Variants in UBA1 observed in about 807,000 individuals in gnomAD.
The protein encoded by UBA1 is ubiquitin-like modifier-activating enzyme 1.
A neutral mutation model predicts 84.7 loss-of-function variants in UBA1; 4 were observed. The ratio of observed to expected loss-of-function variants is 0.05; its 90% confidence interval spans 0.02 to 0.11. The LOEUF (loss-of-function observed/expected upper bound fraction) is 0.11. Among genes scored for constraint, UBA1 ranks in the 10% least tolerant of loss-of-function variants. UBA1 has a pLI of 1.00. For missense variants in UBA1, 513 were observed against 902.8 expected, an observed-to-expected ratio of 0.57 and a Z score of 5.53; for synonymous variants, 364 against 362.6, an observed-to-expected ratio of 1.00 and a Z score of -0.04.
Position 47,199,065 on chromosome X carries a change from C to T in UBA1, c.135C>T (p.Gly45=). Residue 45 remains glycine (G), a synonymous_variant, in exon 3 of 26, where the codon GGC becomes GGT. Coordinates refer to ENST00000335972, the MANE Select transcript of UBA1 (RefSeq NM_003334.4). ...ATTCCTAGGGAATGGCCAAGAACGG[C>T]AGTGAAGCAGACATAGACGAGGGCC... is the stretch of plus-strand genomic sequence containing the variant. ...SVPTNGMAKN[G]SEADIDEGLY... The T allele has an allele frequency of 8.2e-7, 1 of 1,212,306 alleles. No individual in the cohort carries two copies.
chrX:47,194,317 ATC>A (rs1342994588), intron 1 of UBA1, among the ~76,000 whole-genome samples: 1 of 112,192 alleles, frequency 8.9e-6, no homozygotes, highest in East Asian at 2.8e-4. Context: ...CGAACCTTGT[ATC>A]TCAGATCAGA....
At chrX:47,199,851 C>T (rs1475333717) in intron 5 of UBA1, among the ~76,000 whole-genome samples, 5 of 107,826 alleles carry the variant, frequency 4.6e-5, no homozygotes, top group Non-Finnish European at 9.6e-5. Flanking sequence ...GGCGCGATCT[C>T]GGCTCACTGC....
intron 16 of UBA1, 100 bp from the exon 17 acceptor site, chrX:47,209,523 C>A: frequency 1.3e-6 from 1 of 784,766 alleles, no homozygotes; most frequent in Non-Finnish European, 1.9e-6. Context: ...TAGCTGTGCG[C>A]CTTGTACTTG....
rs1556790765 is a variant in UBA1, at chrX:47,205,964, C to T, written c.1592C>T (p.Thr531Met). 1 of 1,203,988 alleles carries T rather than the reference C, an allele frequency of 8.3e-7. No individual in the cohort carries two copies. The highest frequency in any genetic ancestry group is 1.1e-6 in the Non-Finnish European group (1 of 891,401). The change falls in exon 15 of 26, where the codon ACG becomes ATG. Residue 531 changes from threonine to methionine, a missense_variant. By Grantham distance (81) the Thr-to-Met change is moderately conservative. Coordinates refer to ENST00000335972, the MANE Select transcript of UBA1 (RefSeq NM_003334.4). The stretch of plus-strand genomic sequence containing the variant: ...ACCCTTTAGAAGTTAAAGTCTGACA[C>T]GGCTGCTGCAGCTGTGCGCCAAATG... Reference protein sequence around the residue: ...PWDVTKLKSDTAAAAVRQMNP... With the variant: ...PWDVTKLKSDMAAAAVRQMNP...
chrX:47,200,757 G>A, intron 5 of UBA1, 137 bp from the exon 6 acceptor site: 1 of 500,858 alleles, frequency 2.0e-6, no homozygotes. Context: ...CACAGTAGGT[G>A]CTATGTGTTT....
intron 10 of UBA1, 66 bp from the exon 11 acceptor site, chrX:47,202,572 G>C: frequency 8.3e-7 from 1 of 1,206,630 alleles, no homozygotes; most frequent in Admixed American, 2.2e-5. Flanking sequence ...GCCTCTCTGC[G>C]TGTCCACACT....
intron 25 of UBA1, 43 bp downstream of exon 25, chrX:47,214,680 T>C (rs782526513): frequency 2.5e-6 from 3 of 1,190,794 alleles, no homozygotes; most frequent in Non-Finnish European, 3.4e-6. Flanking sequence ...CCTGTATGGG[T>C]TGGGGAGCCT....
At position 47,199,135 on chromosome X, in the gene UBA1, G is replaced by T. The variant is rs782079211; in HGVS notation, c.176+29G>T. The T allele has an allele frequency of 1.2e-5, 14 of 1,211,182 alleles. No individual in the cohort carries two copies. The African/African-American group carries it at 2.1e-4, about 18-fold the overall frequency. ...AGTGGGGCCAAGGCCGGGCTGAGGG[G>T]TGTGGAATGGGACATTGAGAGGATA... On this transcript the variant is annotated intron_variant, in intron 3 of 25. Transcript: ENST00000335972.
intron 2 of UBA1, 63 bp from the exon 3 acceptor site, chrX:47,198,985 T>TCG: frequency 1.7e-6 from 2 of 1,203,286 alleles, no homozygotes; most frequent in East Asian, 5.9e-5. Flanking sequence ...TGTATCACTG[T>TCG]CTGTCTATCC....
At chrX:47,191,103 G>A (rs1047203825), upstream of UBA1, among the ~76,000 whole-genome samples, 37 of 111,675 alleles carry the variant, frequency 3.3e-4, no homozygotes, top group African/African-American at 1.2e-3. Flanking sequence ...AGACCCTTAA[G>A]GGGTGCCGTT....
rs140950898 is a variant in UBA1, at chrX:47,203,607, G to A, written c.1486G>A (p.Glu496Lys). The A allele has an allele frequency of 5.6e-4, 676 of 1,209,070 alleles. No individual in the cohort carries two copies. Among genetic ancestry groups the A allele is most frequent in the Non-Finnish European group, 7.4e-4 (660 of 894,946 alleles). ...TGCCATGATTGGGCTGGGCTGCGGG[G>A]AGGGTGGAGAAATCATCGTTACAGA... ...NFAMIGLGCG[E>K]GGEIIVTDMD... The change falls in exon 14 of 26, where the codon GAG becomes AAG. Residue 496 changes from glutamate to lysine, a missense_variant. Physicochemically the swap from Glu to Lys is moderately conservative, Grantham distance 56 (BLOSUM62 1). This residue lies in a region of UBA1 where 55 missense variants were observed against 104.8 expected (regional missense o/e 0.52). Transcript: ENST00000335972.
chrX:47,202,970 A>G lies in UBA1; in HGVS notation c.1261A>G (p.Met421Val), dbSNP rs1356365937. Residue 421 changes from methionine (M) to valine (V), a missense_variant, in exon 12 of 26, where the codon ATG (methionine) becomes GTG (valine). Transcript: ENST00000335972. ...KACSGKFMPI[M>V]QWLYFDALEC... ...CTGCTCCGGGAAGTTCATGCCCATC[A>G]TGCAGTGGCTATACTTTGATGCCCT... 8.3e-7 allele frequency: 1 copy of G among 1,209,824 alleles called. No homozygotes were observed. The highest frequency in any genetic ancestry group is 1.8e-5 in the African/African-American group (1 of 57,056).
chrX:47,198,013 T>G (rs180869234), intron 1 of UBA1: 1 of 889,660 alleles, frequency 1.1e-6, no homozygotes, highest in Admixed American at 5.3e-5. Context: ...TTAACCTGTT[T>G]AAGGGACTCC....
At chrX:47,204,155 T>TG (rs1936554457) in intron 14 of UBA1, among the ~76,000 whole-genome samples, 1 of 96,030 alleles carries the variant, frequency 1.0e-5, no homozygotes, top group Non-Finnish European at 2.1e-5. Flanking sequence ...TTTTTTTTTT[T>TG]TTTTTTTTTT....
Position 47,199,623 on chromosome X carries a change from G to C in UBA1, c.480+9G>C. ...TCCTTAGTGGTTTCCAGGTATCTTG[G>C]GGGTACTACCCAGCCTTCTGCCCAG... On this transcript the variant is annotated intron_variant, in intron 5 of 25. Transcript: ENST00000335972. 1 of 1,210,908 alleles carries C rather than the reference G, an allele frequency of 8.3e-7. No individual in the cohort carries two copies. Among genetic ancestry groups the C allele is most frequent in the Non-Finnish European group, 1.1e-6 (1 of 894,997 alleles).
chrX:47,191,408 C>G (rs1176939174), upstream of UBA1: 1 of 111,190 alleles, frequency 9.0e-6, no homozygotes, highest in East Asian at 2.8e-4. Flanking sequence ...AGGTCCTCCC[C>G]GCGCCTGGAG....
Position 47,201,597 on chromosome X carries a change from G to A in UBA1, c.798G>A (p.Glu266=), listed in dbSNP as rs202041421. The change falls in exon 8 of 26, where the codon GAG becomes GAA. Residue 266 remains glutamate (E), a synonymous_variant. Coordinates refer to ENST00000335972, the MANE Select transcript of UBA1 (RefSeq NM_003334.4). ...MVELNGNQPM[E]IKVLGPYTFS... is the part of the protein sequence containing the mutation. ...AACTCAACGGAAATCAGCCCATGGAGATCAAAGTCCTGGGTGAGCTGCGAC... is the reference window on the plus strand; with the variant it reads ...AACTCAACGGAAATCAGCCCATGGAAATCAAAGTCCTGGGTGAGCTGCGAC... 2.6e-5 allele frequency: 32 copies of A among 1,210,211 alleles called. 1 individual carries two copies. The East Asian group carries it at 6.2e-4, about 24-fold the overall frequency.
At chrX:47,211,882 T>G in intron 20 of UBA1, among the ~76,000 whole-genome samples, 1 of 109,600 alleles carries the variant, frequency 9.1e-6, no homozygotes, top group East Asian at 2.9e-4. Context: ...TTCCAATCTT[T>G]CCTTCCATAG....
chrX:47,210,145 C>T, intron 18 of UBA1, 22 bp downstream of exon 18: 1 of 1,209,170 alleles, frequency 8.3e-7, no homozygotes, highest in Non-Finnish European at 1.1e-6. Context: ...TTGTTGGGTC[C>T]ATTTGGCAGA....
Sources: gnomAD v4.1 joint callset for allele counts (sites outside exome capture counted in the v4.1 genomes callset) on GRCh38, gnomAD v4.1.1 for gene constraint, gnomAD v4.1.1 regional missense constraint, MANE v1.5 for transcripts, NCBI Gene and HGNC (gene_info 2026-07-23, HGNC 2026-07-21) for gene names.